Variants in CHN1 observed in about 807,000 individuals in gnomAD.
CHN1 encodes the protein chimerin 1, also known as N-chimaerin.
CHN1 carries 37 observed loss-of-function variants against 59.5 expected under a neutral mutation model. The observed-to-expected ratio is 0.62, with a 90% CI of 0.48 to 0.82. The LOEUF (loss-of-function observed/expected upper bound fraction) is 0.82. Among genes scored for constraint, CHN1 ranks in the 40% least tolerant of loss-of-function variants. The pLI is 0.00. For missense variants in CHN1, 469 were observed against 571.0 expected (o/e 0.82, Z 1.82); for synonymous variants, 206 against 200.4 (o/e 1.03, Z -0.24).
At chr2:174,834,954 C>T (rs897193190) in intron 7 of CHN1, among the ~76,000 whole-genome samples, 3 of 152,156 alleles carry the variant, frequency 2.0e-5, no homozygotes, top group African/African-American at 7.2e-5. Flanking sequence ...ATTTCTAGAT[C>T]TGAGAGACAT....
intron 5 of CHN1, among the ~76,000 whole-genome samples, chr2:174,888,124 T>C (rs1283681807): frequency 6.6e-6 from 1 of 152,182 alleles, no homozygotes; most frequent in African/African-American, 2.4e-5. Flanking sequence ...GACTCAAATA[T>C]ATAACCTTGT....
chr2:174,884,768 C>T (rs1165666038), intron 5 of CHN1, among the ~76,000 whole-genome samples: 1 of 152,066 alleles, frequency 6.6e-6, no homozygotes, highest in Non-Finnish European at 1.5e-5. Context: ...TTGAGGGATC[C>T]TATCACATGA....
chr2:174,924,972 T>C (rs1689128685), intron 3 of CHN1, among the ~76,000 whole-genome samples: 1 of 152,192 alleles, frequency 6.6e-6, no homozygotes, highest in African/African-American at 2.4e-5. Context: ...CTGTATTTAG[T>C]AGTTAACATT....
chr2:174,951,594 T>C (rs1012176491), intron 2 of CHN1, among the ~76,000 whole-genome samples: 8 of 152,160 alleles, frequency 5.3e-5, no homozygotes, highest in Non-Finnish European at 8.8e-5. Context: ...CTTGGTGAAA[T>C]AATATTCTCT....
At chr2:174,860,999 T>A (rs1359998612) in intron 6 of CHN1, among the ~76,000 whole-genome samples, 3 of 152,188 alleles carry the variant, frequency 2.0e-5, no homozygotes, top group Non-Finnish European at 2.9e-5. Flanking sequence ...TCCTCCTCAA[T>A]CTGCCTAATC....
intron 11 of CHN1, among the ~76,000 whole-genome samples, chr2:174,808,305 C>T (rs773715180): frequency 2.6e-5 from 4 of 152,146 alleles, no homozygotes; most frequent in Admixed American, 6.5e-5. Context: ...TTTCTTGAGA[C>T]GTAGTTTTGC....
chr2:174,921,196 G>C (rs1249511995), intron 3 of CHN1, among the ~76,000 whole-genome samples: 1 of 152,180 alleles, frequency 6.6e-6, no homozygotes, highest in East Asian at 1.9e-4. Flanking sequence ...GGGGATTGGG[G>C]ACACCTAATC....
At chr2:174,824,622 A>G in intron 7 of CHN1, 104 bp from the exon 8 acceptor site, 1 of 528,036 alleles carries the variant, frequency 1.9e-6, no homozygotes, top group South Asian at 2.0e-5. Context: ...TTCTATATAT[A>G]TATATATATG....
At chr2:174,894,839 T>C (rs1271999234) in intron 5 of CHN1, among the ~76,000 whole-genome samples, 3 of 152,040 alleles carry the variant, frequency 2.0e-5, no homozygotes, top group Admixed American at 2.0e-4. Context: ...AAATATTAAA[T>C]GGAAAATTTA....
At chr2:174,909,422 C>G (rs1447485782) in intron 5 of CHN1, among the ~76,000 whole-genome samples, 1 of 152,214 alleles carries the variant, frequency 6.6e-6, no homozygotes, top group East Asian at 1.9e-4. Flanking sequence ...TCAGTACATG[C>G]ATTTCCCCGA....
chr2:174,898,558 C>T (rs1339549581), intron 5 of CHN1, among the ~76,000 whole-genome samples: 1 of 152,030 alleles, frequency 6.6e-6, no homozygotes, highest in Non-Finnish European at 1.5e-5. Context: ...GACCCAAGAT[C>T]GCGCCACTGC....
intron 1 of CHN1, among the ~76,000 whole-genome samples, chr2:174,993,220 A>G (rs1453725776): frequency 6.9e-6 from 1 of 145,320 alleles, no homozygotes; most frequent in Non-Finnish European, 1.5e-5. Flanking sequence ...GTCTCCTCTT[A>G]GTAACTGTCC....
chr2:174,938,830 C>T (rs1574188853), intron 3 of CHN1, among the ~76,000 whole-genome samples: 1 of 151,842 alleles, frequency 6.6e-6, no homozygotes, highest in South Asian at 2.1e-4. Flanking sequence ...GTCATTAGAA[C>T]ATGACTATTT....
intron 6 of CHN1, among the ~76,000 whole-genome samples, chr2:174,862,143 A>T (rs1188968173): frequency 6.6e-6 from 1 of 152,176 alleles, no homozygotes; most frequent in Non-Finnish European, 1.5e-5. Context: ...TGTTTTAAAA[A>T]AAACTTGCCT....
Position 174,852,662 on chromosome 2 carries a change from A to G in CHN1, c.550-5705T>C, listed in dbSNP as rs184937117. ...AAAAGAACAAAGCTGGAGGTATCAC[A>G]CTACCTGACTTCAAACTAAGTTATA... On this transcript the variant is annotated intron_variant, in intron 6 of 12. Coordinates refer to ENST00000409900, the MANE Select transcript of CHN1 (RefSeq NM_001822.7). Among the ~76,000 whole-genome samples the G allele has an allele frequency of 4.5e-3, 678 of 152,312 alleles. 6 individuals are homozygous for G. Among genetic ancestry groups the G allele is most frequent in the African/African-American group, 0.015 (638 of 41,580 alleles).
At chr2:174,844,437 C>T (rs1686430446) in intron 7 of CHN1, among the ~76,000 whole-genome samples, 1 of 152,122 alleles carries the variant, frequency 6.6e-6, no homozygotes, top group African/African-American at 2.4e-5. Flanking sequence ...AGCAGTATTA[C>T]ATAACAAGGC....
At chr2:174,982,066 C>A (rs190525098) in intron 1 of CHN1, among the ~76,000 whole-genome samples, 2 of 152,008 alleles carry the variant, frequency 1.3e-5, no homozygotes, top group East Asian at 1.9e-4. Context: ...TTTGTCCTTG[C>A]GATAGTTTGC....
At position 174,811,605 on chromosome 2, in the gene CHN1, G is replaced by C; in HGVS notation, c.887-17C>G. 1 of 1,532,774 alleles carries C rather than the reference G, an allele frequency of 6.5e-7. No individual in the cohort carries two copies. The highest frequency in any genetic ancestry group is 1.4e-5 in the African/African-American group (1 of 73,138). 94.9% of individuals were successfully genotyped at this position (1,532,774 alleles called of 1,614,324 possible). A position where few individuals can be genotyped will look rare whatever the true frequency, so the allele number is the denominator to read the frequency against. On this transcript the variant is annotated splice_polypyrimidine_tract_variant and intron_variant, in intron 9 of 12. Coordinates refer to ENST00000409900, the MANE Select transcript of CHN1 (RefSeq NM_001822.7). ...AATTAAGACCTGAAAAATAAAACTA[G>C]TTAGTTTCTTTGAATTATGCCTTTT... is the stretch of plus-strand genomic sequence containing the variant.
intron 1 of CHN1, among the ~76,000 whole-genome samples, chr2:174,979,131 T>C (rs779753798): frequency 1.4e-4 from 22 of 152,298 alleles, no homozygotes; most frequent in African/African-American, 3.4e-4. Context: ...ACCAGAAGGA[T>C]AGCCAATTTC....
Sources: gnomAD v4.1 joint callset for allele counts (sites outside exome capture counted in the v4.1 genomes callset) on GRCh38, gnomAD v4.1.1 for gene constraint, MANE v1.5 for transcripts, NCBI Gene and HGNC (gene_info 2026-07-23, HGNC 2026-07-21) for gene names.